FAM117A: variants seen among roughly 807,000 people sequenced by gnomAD.
FAM117A encodes family with sequence similarity 117 member A.
FAM117A carries 21 observed loss-of-function variants against 44.1 expected under a neutral mutation model. The observed-to-expected ratio is 0.48, with a 90% CI of 0.34 to 0.69. FAM117A has a LOEUF of 0.69. Among genes scored for constraint, FAM117A ranks in the 30% least tolerant of loss-of-function variants. The pLI is 0.01. For synonymous variants in FAM117A, 220 were observed against 238.3 expected (o/e 0.92, Z 0.71); for missense variants, 498 against 589.9 (o/e 0.84, Z 1.61).
intron 2 of FAM117A, among the ~76,000 whole-genome samples, chr17:49,731,684 A>T (rs931826829): frequency 2.0e-5 from 3 of 152,226 alleles, no homozygotes; most frequent in African/African-American, 4.8e-5. Flanking sequence ...CTCCAGTGGG[A>T]TCTATTCTGG....
chr17:49,748,939 G>A (rs936911150), intron 1 of FAM117A, among the ~76,000 whole-genome samples: 12 of 152,152 alleles, frequency 7.9e-5, no homozygotes, highest in African/African-American at 2.9e-4. Context: ...CTCTAGCTCT[G>A]TCTGCTTAGC....
intron 1 of FAM117A, among the ~76,000 whole-genome samples, chr17:49,756,562 T>C (rs1167816548): frequency 6.7e-6 from 1 of 149,928 alleles, no homozygotes; most frequent in African/African-American, 2.5e-5. Flanking sequence ...TGAGCTATGA[T>C]GGCATTACTG....
upstream of FAM117A, chr17:49,788,594 C>T (rs1452053426): frequency 2.2e-5 from 10 of 453,992 alleles, no homozygotes; most frequent in Non-Finnish European, 3.9e-5. Flanking sequence ...GATCGAACTT[C>T]CCAGCACCCT....
At position 49,732,463 on chromosome 17, in the gene FAM117A, C is replaced by T. The variant is rs1292962332; in HGVS notation, c.366+88G>A. 4 of 1,242,288 alleles carry T rather than the reference C, an allele frequency of 3.2e-6. No homozygotes were observed. In the East Asian group the frequency reaches 9.5e-5, roughly 29 times the overall value. 77.0% of individuals were successfully genotyped at this position (1,242,288 alleles called of 1,614,324 possible). ...GACCAAAACCCAAGACAAATCATCG[C>T]AATGACTTGAGGAAGACCAAAGGCC... On this transcript the variant is annotated intron_variant, in intron 2 of 7. Coordinates refer to ENST00000240364, the MANE Select transcript of FAM117A (RefSeq NM_030802.4).
upstream of FAM117A, chr17:49,764,226 A>C: frequency 4.7e-5 from 20 of 422,788 alleles, no homozygotes; most frequent in East Asian, 1.8e-4. Context: ...GGAAACCCAG[A>C]CCTTCCACCC....
In FAM117A at chr17:49,756,641, C is replaced by T. The variant is rs565339653; in HGVS notation, c.196+7251G>A. Among the ~76,000 whole-genome samples, 4 of 151,136 alleles carry T rather than the reference C, an allele frequency of 2.6e-5. No homozygotes were observed. In the South Asian group the frequency reaches 6.3e-4, roughly 24 times the overall value. On this transcript the variant is annotated intron_variant, in intron 1 of 7. Transcript: ENST00000240364. Reference sequence around the variant, plus strand: ...AAAAAAAAAAGAGACAAAGGCCAGGCGTGGTGGTTCACACCTGTAATCGCA... The same window carrying T: ...AAAAAAAAAAGAGACAAAGGCCAGGTGTGGTGGTTCACACCTGTAATCGCA...
At chr17:49,717,422 G>A in intron 6 of FAM117A, 91 bp downstream of exon 6, 1 of 1,080,742 alleles carries the variant, frequency 9.3e-7, no homozygotes. Flanking sequence ...TACTGAGAAT[G>A]CTAGGCCTGA....
chr17:49,734,496 G>C (rs1000401922), intron 1 of FAM117A, among the ~76,000 whole-genome samples: 1 of 152,028 alleles, frequency 6.6e-6, no homozygotes, highest in East Asian at 1.9e-4. Flanking sequence ...GGAGGCTGAG[G>C]CAGGAGAATG....
At chr17:49,782,427 T>C (rs1439246144) in intron 1 of FAM117A, among the ~76,000 whole-genome samples, 1 of 146,678 alleles carries the variant, frequency 6.8e-6, no homozygotes, top group Non-Finnish European at 1.5e-5. Flanking sequence ...TGGTGGCTTA[T>C]GCCTGTAATC....
rs532624695 is a variant in FAM117A at position 49,740,967 on chromosome 17, G to C, written c.197-8247C>G. 2.0e-5 allele frequency among the ~76,000 whole-genome samples: 3 copies of C among 152,234 alleles called. No homozygotes were observed. In the South Asian group the frequency reaches 6.2e-4, roughly 32 times the overall value. On this transcript the variant is annotated intron_variant, in intron 1 of 7. Coordinates refer to ENST00000240364, the MANE Select transcript of FAM117A (RefSeq NM_030802.4). ...GGGTAGAGGCTTAGCACTTTACAAG[G>C]GGAAACAAGCCCCTGACCAGTGGGT...
intron 5 of FAM117A, among the ~76,000 whole-genome samples, chr17:49,719,145 C>G (rs781075439): frequency 5.3e-5 from 8 of 151,966 alleles, no homozygotes; most frequent in Non-Finnish European, 1.2e-4. Context: ...GCCTGTAATC[C>G]CAGCTACTGG....
intron 1 of FAM117A, among the ~76,000 whole-genome samples, chr17:49,781,128 C>G (rs2073788471): frequency 6.6e-6 from 1 of 152,164 alleles, no homozygotes; most frequent in African/African-American, 2.4e-5. Flanking sequence ...GTTTTGCCTT[C>G]TTAGTAACAG....
intron 1 of FAM117A, among the ~76,000 whole-genome samples, chr17:49,782,366 G>C (rs2073792087): frequency 1.9e-5 from 2 of 107,044 alleles, no homozygotes; most frequent in Non-Finnish European, 3.4e-5. Flanking sequence ...GACAGAGAGA[G>C]ACTCCGTCTC....
intron 2 of FAM117A, 127 bp from the exon 3 acceptor site, chr17:49,722,721 A>G (rs1284851474): frequency 1.5e-6 from 1 of 685,950 alleles, no homozygotes; most frequent in South Asian, 1.8e-5. Flanking sequence ...ACCTCTGAAC[A>G]CTCCCAGTCG....
intron 2 of FAM117A, chr17:49,724,405 A>G (rs1379475716): frequency 6.6e-6 from 3 of 456,194 alleles, no homozygotes; most frequent in East Asian, 6.9e-5. Context: ...GGTGGGTGGT[A>G]ACAGAGAGGA....
At chr17:49,784,777 C>A (rs1026949677) in intron 1 of FAM117A, among the ~76,000 whole-genome samples, 36 of 152,320 alleles carry the variant, frequency 2.4e-4, no homozygotes, top group African/African-American at 8.2e-4. Context: ...CCATGTAATA[C>A]TCTACAGTGT....
upstream of FAM117A, among the ~76,000 whole-genome samples, chr17:49,768,881 C>T (rs1233513675): frequency 6.6e-6 from 1 of 152,224 alleles, no homozygotes; most frequent in Non-Finnish European, 1.5e-5. Flanking sequence ...CCACGACATG[C>T]TGTCTTCTTA....
upstream of FAM117A, among the ~76,000 whole-genome samples, chr17:49,765,918 A>G (rs1330846172): frequency 2.0e-5 from 3 of 152,232 alleles, no homozygotes; most frequent in African/African-American, 7.2e-5. Flanking sequence ...ACAAGTAGTG[A>G]AACTGAAGTC....
chr17:49,787,572 G>A (rs1432198917), intron 1 of FAM117A, among the ~76,000 whole-genome samples: 1 of 152,122 alleles, frequency 6.6e-6, no homozygotes, highest in African/African-American at 2.4e-5. Context: ...CATCTTAACG[G>A]GGCCTCAGTT....
Sources: gnomAD v4.1 joint callset for allele counts (sites outside exome capture counted in the v4.1 genomes callset) on GRCh38, gnomAD v4.1.1 for gene constraint, MANE v1.5 for transcripts, NCBI Gene and HGNC (gene_info 2026-07-23, HGNC 2026-07-21) for gene names.